COL22A1: variants seen among roughly 807,000 people sequenced by gnomAD.
COL22A1 encodes collagen type XXII alpha 1 chain.
A neutral mutation model predicts 248.9 loss-of-function variants in COL22A1; 221 were observed. The observed-to-expected ratio is 0.89, with a 90% confidence interval of 0.80 to 0.99. The LOEUF is 0.99. Among genes scored for constraint, COL22A1 ranks in the 50% least tolerant of loss-of-function variants. The probability of loss-of-function intolerance (pLI) is 0.00; values close to 1 mark genes in which losing one functional copy is unlikely to be tolerated. For synonymous variants in COL22A1, 891 were observed against 793.4 expected (o/e 1.12, Z -2.07); for missense variants, 2,240 against 2,179.0 (o/e 1.03, Z -0.56).
chr8:138,647,319 T>C (rs1463875096), intron 46 of COL22A1, among the ~76,000 whole-genome samples: 1 of 152,164 alleles, frequency 6.6e-6, no homozygotes, highest in Non-Finnish European at 1.5e-5. Flanking sequence ...ATGAAAGACC[T>C]GAGCCAAAAC....
intron 30 of COL22A1, among the ~76,000 whole-genome samples, chr8:138,703,574 G>C (rs533917863): frequency 6.6e-6 from 1 of 152,266 alleles, no homozygotes; most frequent in East Asian, 1.9e-4. Flanking sequence ...ATTGTTTTCA[G>C]AAGTATCCAT....
intron 22 of COL22A1, among the ~76,000 whole-genome samples, chr8:138,742,940 G>T (rs111161486): frequency 2.0e-5 from 3 of 151,810 alleles, no homozygotes; most frequent in Non-Finnish European, 4.4e-5. Flanking sequence ...GGAGTTGATG[G>T]TGATGGTGAT....
chr8:138,617,098 G>A (rs1819397403), intron 53 of COL22A1, 140 bp from the exon 54 acceptor site: 3 of 850,832 alleles, frequency 3.5e-6, no homozygotes, highest in Non-Finnish European at 5.8e-6. Flanking sequence ...GCCCTACTTG[G>A]TGCCATGCTC....
In COL22A1 at chr8:138,635,047, G is replaced by A; in HGVS notation, c.3572C>T (p.Pro1191Leu). The A allele has an allele frequency of 1.2e-6, 2 of 1,609,584 alleles. No homozygotes were observed. The highest frequency in any genetic ancestry group is 1.7e-6 in the Non-Finnish European group (2 of 1,177,136). Residue 1191 changes from proline (P) to leucine (L), a missense_variant, in exon 49 of 65, where the codon CCA (proline) becomes CTA (leucine). Transcript: ENST00000303045. ...QKGDQGHPGV[P>L]GFMGPPGNPG... Reference sequence around the variant, plus strand: ...GTTCCCTGGGGGCCCCATGAAACCTGGAACTCCAGGATGACCCTAGGAAAA... The same window carrying A: ...GTTCCCTGGGGGCCCCATGAAACCTAGAACTCCAGGATGACCCTAGGAAAA...
intron 4 of COL22A1, among the ~76,000 whole-genome samples, chr8:138,834,611 G>A (rs1563825087): frequency 7.0e-6 from 1 of 143,464 alleles, no homozygotes; most frequent in Non-Finnish European, 1.5e-5. Context: ...CAGGTTGCCT[G>A]ACATCTCTGA....
intron 38 of COL22A1, among the ~76,000 whole-genome samples, chr8:138,684,851 C>T (rs751502969): frequency 6.6e-5 from 10 of 152,210 alleles, no homozygotes; most frequent in African/African-American, 1.9e-4. Context: ...CATGATTCTA[C>T]GTTTGGAAGT....
At chr8:138,788,946 G>C (rs1815792972) in intron 12 of COL22A1, among the ~76,000 whole-genome samples, 2 of 152,200 alleles carry the variant, frequency 1.3e-5, no homozygotes, top group Admixed American at 1.3e-4. Flanking sequence ...TTACACAGCT[G>C]CTAAGTGACC....
chr8:138,738,854 C>A (rs1468766702), intron 22 of COL22A1, among the ~76,000 whole-genome samples: 1 of 152,192 alleles, frequency 6.6e-6, no homozygotes, highest in African/African-American at 2.4e-5. Context: ...CTTCTCTCTG[C>A]CCCTTGGTGA....
intron 60 of COL22A1, among the ~76,000 whole-genome samples, chr8:138,600,661 A>G (rs1817922523): frequency 6.6e-6 from 1 of 152,162 alleles, no homozygotes; most frequent in Non-Finnish European, 1.5e-5. Context: ...TTGTCCTGCA[A>G]TTTTCACTGT....
At chr8:138,804,127 C>T (rs1345798852) in intron 10 of COL22A1, among the ~76,000 whole-genome samples, 1 of 152,160 alleles carries the variant, frequency 6.6e-6, no homozygotes, top group African/African-American at 2.4e-5. Context: ...GTCCTGGGGA[C>T]CAGGCTCTCA....
intron 56 of COL22A1, 87 bp from the exon 57 acceptor site, chr8:138,608,076 TG>T: frequency 8.0e-7 from 1 of 1,243,922 alleles, no homozygotes; most frequent in Non-Finnish European, 1.2e-6. Flanking sequence ...GCACAGGACT[TG>T]GTTTTACACA....
At chr8:138,899,598 A>C (rs1207057025) in intron 1 of COL22A1, among the ~76,000 whole-genome samples, 1 of 152,032 alleles carries the variant, frequency 6.6e-6, no homozygotes, top group Non-Finnish European at 1.5e-5. Flanking sequence ...ATCTTGGCTC[A>C]CTGCAGCCTC....
chr8:138,663,944 C>G (rs1055036218), intron 41 of COL22A1, among the ~76,000 whole-genome samples: 1 of 151,884 alleles, frequency 6.6e-6, no homozygotes, highest in African/African-American at 2.4e-5. Context: ...GGAAGCTCCT[C>G]CATTTGCTCC....
At chr8:138,641,983 G>A (rs1279255036) in intron 47 of COL22A1, among the ~76,000 whole-genome samples, 3 of 152,200 alleles carry the variant, frequency 2.0e-5, no homozygotes, top group Admixed American at 6.5e-5. Flanking sequence ...GCTGGCTTGG[G>A]TTTCAAGCCA....
rs916045832 is a variant in COL22A1, at chr8:138,755,186, G to T, written c.2002C>A (p.Gln668Lys). 7 of 1,614,080 alleles carry T rather than the reference G, an allele frequency of 4.3e-6. No homozygotes were observed. Among genetic ancestry groups the T allele is most frequent in the Middle Eastern group, 1.6e-4 (1 of 6,062 alleles). ...EQGAPGPRGH[Q>K]GAPGPPGARG... is the part of the protein sequence containing the mutation. ...GCTCCTGGAGGACCGGGGGCGCCTT[G>T]GTGACCTCTGGGTCCTGGAGCTCCC... is the stretch of plus-strand genomic sequence containing the variant. The change falls in exon 21 of 65, where the codon CAA becomes AAA. Residue 668 changes from glutamine (Q) to lysine (K), a missense_variant. Gln to Lys is a moderately conservative substitution (Grantham distance 53). Transcript: ENST00000303045.
chr8:138,635,168 C>A, intron 48 of COL22A1, 105 bp from the exon 49 acceptor site: 1 of 905,694 alleles, frequency 1.1e-6, no homozygotes, highest in East Asian at 2.9e-5. Flanking sequence ...CCTTCCAACC[C>A]TACTAACAAT....
chr8:138,813,504 T>G (rs1818417585), intron 7 of COL22A1, among the ~76,000 whole-genome samples: 1 of 152,214 alleles, frequency 6.6e-6, no homozygotes. Flanking sequence ...CGTGAGTCAA[T>G]TAAATCTCTT....
At position 138,741,649 on chromosome 8, in the gene COL22A1, G is replaced by T. The variant is rs1012915986; in HGVS notation, c.2086-4072C>A. ...TAATGAATATGAGGAAGAAGAAATA[G>T]TAAGAGTCATATTCTGGCTCCTTTG... On this transcript the variant is annotated intron_variant, in intron 22 of 64. Transcript: ENST00000303045. Among the ~76,000 whole-genome samples the T allele has an allele frequency of 2.0e-5, 3 of 152,222 alleles. No homozygotes were observed. The East Asian group carries it at 5.8e-4, about 29-fold the overall frequency.
At chr8:138,778,210 A>G (rs1814648602) in intron 15 of COL22A1, 143 bp downstream of exon 15, 1 of 853,778 alleles carries the variant, frequency 1.2e-6, no homozygotes, top group Non-Finnish European at 2.0e-6. Flanking sequence ...CTGGTCTAAG[A>G]AAGGAGATAC....
Sources: gnomAD v4.1 joint callset for allele counts (sites outside exome capture counted in the v4.1 genomes callset) on GRCh38, gnomAD v4.1.1 for gene constraint, MANE v1.5 for transcripts, NCBI Gene and HGNC (gene_info 2026-07-23, HGNC 2026-07-21) for gene names.